Variants in GSN observed in about 807,000 individuals in gnomAD.
GSN encodes gelsolin.
In GSN, 56 loss-of-function variants were observed where a neutral mutation model predicts 85.7. The observed-to-expected ratio is 0.65, with a 90% confidence interval of 0.53 to 0.82. The LOEUF is 0.82. Among genes scored for constraint, GSN ranks in the 40% least tolerant of loss-of-function variants. GSN has a pLI of 0.00. For synonymous variants in GSN, 373 were observed against 399.1 expected (o/e 0.93, Z 0.78); for missense variants, 857 against 979.8 (o/e 0.87, Z 1.67).
intron 4 of GSN, among the ~76,000 whole-genome samples, chr9:121,221,023 C>T (rs1243941660): frequency 6.6e-6 from 1 of 152,176 alleles, no homozygotes; most frequent in Admixed American, 6.5e-5. Flanking sequence ...GAACAGTGTA[C>T]GTAATAAAGA....
In GSN at chr9:121,329,433, A is replaced by G; in HGVS notation, c.1965+118A>G. On this transcript the variant is annotated intron_variant, in intron 16 of 17. Coordinates refer to ENST00000432226, the MANE Select transcript of GSN (RefSeq NM_198252.3). The surrounding 1 kb of genome is among the most constrained non-coding windows in gnomAD (Gnocchi z 4.6). The stretch of plus-strand genomic sequence containing the variant: ...GGGGGCAGTGCCAGGTGTTGCCAGA[A>G]AAGTCTCTAAGGGTACTGGAAGTCA... 1 of 738,228 alleles carries G rather than the reference A, an allele frequency of 1.4e-6. No individual in the cohort carries two copies. Among genetic ancestry groups the G allele is most frequent in the Non-Finnish European group, 2.5e-6 (1 of 404,302 alleles). 45.7% of individuals were successfully genotyped at this position (738,228 alleles called of 1,614,324 possible).
At chr9:121,242,838 A>G (rs1183117493) in intron 5 of GSN, among the ~76,000 whole-genome samples, 6 of 152,142 alleles carry the variant, frequency 3.9e-5, no homozygotes, top group African/African-American at 1.2e-4. Context: ...GATGTAAGGC[A>G]TGTCATCTTT....
At chr9:121,328,044 G>A (rs1270837489) in intron 14 of GSN, among the ~76,000 whole-genome samples, 2 of 151,054 alleles carry the variant, frequency 1.3e-5, no homozygotes, top group Non-Finnish European at 3.0e-5. Flanking sequence ...GGAAGGAGGC[G>A]GTCCCTCGCT....
At position 121,296,182 on chromosome 9, in the gene GSN, G is replaced by A. The variant is rs538922679; in HGVS notation, c.-9-5781G>A. Reference sequence around the variant, plus strand: ...AAGGGCACTGCTGCTCCCTGCCCAGGTCAGGTGGTGCTAGGAGCTCCTGCT... The same window carrying A: ...AAGGGCACTGCTGCTCCCTGCCCAGATCAGGTGGTGCTAGGAGCTCCTGCT... On this transcript the variant is annotated intron_variant, in intron 2 of 17. Coordinates refer to ENST00000432226, the MANE Select transcript of GSN (RefSeq NM_198252.3). 2.0e-5 allele frequency among the ~76,000 whole-genome samples: 3 copies of A among 152,356 alleles called. No individual in the cohort carries two copies. The South Asian group carries it at 6.2e-4, about 32-fold the overall frequency.
At chr9:121,226,709 C>T (rs1012018934) in intron 4 of GSN, among the ~76,000 whole-genome samples, 1 of 151,454 alleles carries the variant, frequency 6.6e-6, no homozygotes, top group African/African-American at 2.5e-5. Flanking sequence ...TGACACAGAA[C>T]TCCTAATTCC....
chr9:121,329,078 C>G lies in GSN; in HGVS notation c.1887+63C>G. 1 of 1,597,338 alleles carries G rather than the reference C, an allele frequency of 6.3e-7. No individual in the cohort carries two copies. The highest frequency in any genetic ancestry group is 8.5e-7 in the Non-Finnish European group (1 of 1,170,368). The stretch of plus-strand genomic sequence containing the variant: ...CGGGAGGCGAGTTCCACAGGACTGG[C>G]CGGCAGCAGGGGCAGGAGAAACAGT... On this transcript the variant is annotated intron_variant, in intron 15 of 17. Coordinates refer to ENST00000432226, the MANE Select transcript of GSN (RefSeq NM_198252.3). The surrounding 1 kb of genome is among the most constrained non-coding windows in gnomAD (Gnocchi z 4.6).
At chr9:121,328,585 G>A (rs1328621667) in intron 14 of GSN, among the ~76,000 whole-genome samples, 1 of 152,098 alleles carries the variant, frequency 6.6e-6, no homozygotes, top group Non-Finnish European at 1.5e-5. Flanking sequence ...TAACCTCTCC[G>A]AGCCACAACT....
intron 4 of GSN, among the ~76,000 whole-genome samples, chr9:121,225,898 G>A (rs554130004): frequency 5.3e-5 from 8 of 152,176 alleles, no homozygotes; most frequent in African/African-American, 1.7e-4. Flanking sequence ...TCCAACTCCC[G>A]GGTTCAAGTG....
chr9:121,231,780 C>A (rs961200564), intron 5 of GSN, among the ~76,000 whole-genome samples: 11 of 152,074 alleles, frequency 7.2e-5, no homozygotes, highest in African/African-American at 2.7e-4. Context: ...AAATTTTAAT[C>A]TTAAAAATAT....
intron 1 of GSN, among the ~76,000 whole-genome samples, chr9:121,277,195 G>A (rs966606743): frequency 2.0e-4 from 31 of 152,238 alleles, no homozygotes; most frequent in African/African-American, 7.5e-4. Flanking sequence ...ACTGGTACAT[G>A]TGTTAGGTCA....
upstream of GSN, among the ~76,000 whole-genome samples, chr9:121,264,315 TG>T (rs1173727832): frequency 6.6e-6 from 1 of 152,100 alleles, no homozygotes; most frequent in Non-Finnish European, 1.5e-5. Context: ...TAGCCAGGCC[TG>T]GTGGGATGTA....
chr9:121,281,331 G>A (rs753902497), intron 1 of GSN, 139 bp from the exon 2 acceptor site: 11 of 301,666 alleles, frequency 3.6e-5, no homozygotes, highest in African/African-American at 2.2e-4. Flanking sequence ...TAGTGAGTGC[G>A]GTGTTGCTGG....
chr9:121,328,397 G>A (rs1328141423), intron 14 of GSN, among the ~76,000 whole-genome samples: 1 of 152,156 alleles, frequency 6.6e-6, no homozygotes, highest in South Asian at 2.1e-4. Context: ...GCGACCAGTG[G>A]GAATTAGTGG....
At chr9:121,244,688 A>G (rs1434811088) in intron 5 of GSN, among the ~76,000 whole-genome samples, 1 of 152,250 alleles carries the variant, frequency 6.6e-6, no homozygotes, top group Non-Finnish European at 1.5e-5. Flanking sequence ...ATTTTAATCG[A>G]TGGAAAACTA....
At chr9:121,251,694 C>T (rs2054839984) in intron 6 of GSN, among the ~76,000 whole-genome samples, 1 of 152,044 alleles carries the variant, frequency 6.6e-6, no homozygotes, top group African/African-American at 2.4e-5. Flanking sequence ...CGCGATGGCT[C>T]ACACCTGTAA....
chr9:121,227,402 AAAAG>A (rs1190790747), intron 4 of GSN, among the ~76,000 whole-genome samples: 3 of 152,096 alleles, frequency 2.0e-5, no homozygotes, highest in Non-Finnish European at 4.4e-5. Flanking sequence ...TAAAAAAAAA[AAAAG>A]AGAGAGAGAG....
At chr9:121,209,638 G>T (rs2053938937) in intron 2 of GSN, among the ~76,000 whole-genome samples, 1 of 152,178 alleles carries the variant, frequency 6.6e-6, no homozygotes. Context: ...TCAGGAAACA[G>T]CAGCATTTAA....
At chr9:121,211,280 C>T (rs1034771820) in intron 4 of GSN, among the ~76,000 whole-genome samples, 1 of 152,066 alleles carries the variant, frequency 6.6e-6, no homozygotes, top group Non-Finnish European at 1.5e-5. Context: ...GTACTTAGTG[C>T]TATTAAATAG....
At chr9:121,302,210 G>A (rs2059955247) in intron 3 of GSN, 43 bp downstream of exon 3, 1 of 1,603,862 alleles carries the variant, frequency 6.2e-7, no homozygotes, top group African/African-American at 1.3e-5. Flanking sequence ...CCCCCATTCT[G>A]AACAGTGCAG....
Sources: allele counts gnomAD v4.1 joint callset (sites outside exome capture counted in the v4.1 genomes callset), GRCh38; gene constraint gnomAD v4.1.1; non-coding constraint Gnocchi (gnomAD v3.1); transcripts MANE v1.5; gene names NCBI Gene and HGNC (gene_info 2026-07-23, HGNC 2026-07-21).